The following SMIM35 variants were observed in gnomAD, a reference collection of about 807,000 sequenced individuals.
SMIM35 encodes small integral membrane protein 35.
intron 1 of SMIM35, among the ~76,000 whole-genome samples, chr11:118,046,271 T>C (rs1234214623): frequency 6.6e-6 from 1 of 152,184 alleles, no homozygotes; most frequent in Admixed American, 6.5e-5. Flanking sequence ...CAATTTCCTA[T>C]GACATAAAAC....
chr11:118,021,666 G>T (rs532037578), intron 1 of SMIM35, among the ~76,000 whole-genome samples: 5 of 152,004 alleles, frequency 3.3e-5, no homozygotes, highest in Admixed American at 2.6e-4. Flanking sequence ...AGACAAAAAC[G>T]ATTTTAAAAC....
rs566989063 is a variant in SMIM35 at position 118,060,905 on chromosome 11, A to T, written c.7+25846T>A. On this transcript the variant is annotated intron_variant, in intron 1 of 4. Transcript: ENST00000689828. ...GCCCCCTTTTAATTTTCCTTTTTTG[A>T]TCTATAAGTAAGAGAGGGACAGAGA... Among the ~76,000 whole-genome samples the T allele has an allele frequency of 5.3e-5, 8 of 151,898 alleles. No individual in the cohort carries two copies. In the South Asian group the frequency reaches 1.7e-3, roughly 32 times the overall value.
intron 1 of SMIM35, among the ~76,000 whole-genome samples, chr11:118,039,281 C>T (rs1943962661): frequency 6.6e-6 from 1 of 152,226 alleles, no homozygotes; most frequent in African/African-American, 2.4e-5. Context: ...GTTATCTCAA[C>T]AGGTAGCTTT....
At chr11:118,030,820 G>A (rs975283527) in intron 1 of SMIM35, among the ~76,000 whole-genome samples, 1 of 151,946 alleles carries the variant, frequency 6.6e-6, no homozygotes, top group African/African-American at 2.4e-5. Context: ...AGCCTGAATG[G>A]GATTAGGAGG....
At chr11:118,033,142 A>C (rs2058331720) in intron 1 of SMIM35, among the ~76,000 whole-genome samples, 1 of 152,192 alleles carries the variant, frequency 6.6e-6, no homozygotes, top group Admixed American at 6.5e-5. Context: ...GAAAGTCTTT[A>C]CCTGGTGTTT....
chr11:118,041,739 A>G (rs548394576), intron 1 of SMIM35, among the ~76,000 whole-genome samples: 2 of 152,248 alleles, frequency 1.3e-5, no homozygotes, highest in Admixed American at 6.5e-5. Flanking sequence ...CTTCCAGTTA[A>G]TCTTCTAAGA....
rs532347702 is a variant in SMIM35, at chr11:118,021,979, T to C, written c.8-6170A>G. On this transcript the variant is annotated intron_variant, in intron 1 of 4. Transcript: ENST00000689828. ...GGGGAATACACATTGTTCTCAAGTA[T>C]ATATGGAGCATTCATCAAGACAGAT... Among the ~76,000 whole-genome samples the C allele has an allele frequency of 2.0e-5, 3 of 151,916 alleles. No individual in the cohort carries two copies. The South Asian group carries it at 6.2e-4, about 32-fold the overall frequency.
At chr11:118,019,558 T>C (rs2508449) in intron 1 of SMIM35, among the ~76,000 whole-genome samples, 66,098 of 152,118 alleles carry the variant, frequency 0.43, 16,930 homozygotes, top group African/African-American at 0.72. Flanking sequence ...TTGGCTGTGG[T>C]TTGCCTCTTA....
intron 4 of SMIM35, among the ~76,000 whole-genome samples, chr11:118,009,057 G>A (rs74719603): frequency 0.012 from 1,800 of 152,320 alleles, 29 homozygotes; most frequent in African/African-American, 0.041. Context: ...GGAAATTTGA[G>A]CTGGCATGAA....
At position 118,015,791 on chromosome 11, in the gene SMIM35, G is replaced by T. The variant is rs1038456205; in HGVS notation, c.26C>A (p.Thr9Asn). The T allele has an allele frequency of 2.0e-5, 8 of 399,100 alleles. No individual in the cohort carries two copies. The allele number at this position is 399,100 out of a possible 1,614,324, so 24.7% of individuals were successfully genotyped here. A position where few individuals can be genotyped will look rare whatever the true frequency, so the allele number is the denominator to read the frequency against. Residue 9 changes from threonine to asparagine, a missense_variant, in exon 2 of 5, where the codon ACC becomes AAC. Coordinates refer to ENST00000689828, the MANE Select transcript of SMIM35 (RefSeq NM_001394165.1). MTGEDSIS[T>N]LGLILGVGLL... ...CCCCACGCCAAGGATCAGGCCCAAG[G>T]TGCTGATGGAGTCCTCACCTGCAGA... is the stretch of plus-strand genomic sequence containing the variant.
At chr11:118,044,499 C>G (rs557121332) in intron 1 of SMIM35, among the ~76,000 whole-genome samples, 14 of 152,186 alleles carry the variant, frequency 9.2e-5, no homozygotes, top group Middle Eastern at 3.4e-3. Context: ...CCCTCCAACT[C>G]CCATTTAAAG....
intron 1 of SMIM35, among the ~76,000 whole-genome samples, chr11:118,052,265 C>T (rs1377445884): frequency 3.3e-5 from 5 of 152,160 alleles, no homozygotes; most frequent in Admixed American, 2.6e-4. Context: ...CGCGTCCGGC[C>T]TTCTACGGCT....
At chr11:118,025,682 C>A (rs544565339) in intron 1 of SMIM35, 62 of 448,708 alleles carry the variant, frequency 1.4e-4, no homozygotes, top group African/African-American at 1.2e-3. Context: ...CTTATAGATT[C>A]TAGATATTAG....
intron 1 of SMIM35, among the ~76,000 whole-genome samples, chr11:118,038,441 A>C (rs1943946056): frequency 1.3e-5 from 2 of 152,186 alleles, no homozygotes; most frequent in South Asian, 4.1e-4. Context: ...TTTTATATTT[A>C]AAATGTTACT....
At chr11:118,033,536 T>C (rs1818413097) in intron 1 of SMIM35, among the ~76,000 whole-genome samples, 1 of 152,202 alleles carries the variant, frequency 6.6e-6, no homozygotes, top group Non-Finnish European at 1.5e-5. Flanking sequence ...GTTGTTGTTG[T>C]TGCTTTGGCT....
intron 1 of SMIM35, among the ~76,000 whole-genome samples, chr11:118,021,392 T>C (rs534786109): frequency 6.6e-6 from 1 of 152,294 alleles, no homozygotes; most frequent in South Asian, 2.1e-4. Context: ...CTATTAATCA[T>C]CCTTAGTGTT....
chr11:118,037,897 C>T (rs1440767257), intron 1 of SMIM35, among the ~76,000 whole-genome samples: 12 of 152,172 alleles, frequency 7.9e-5, no homozygotes, highest in South Asian at 2.1e-4. Context: ...TAGGGCACAC[C>T]GAGTGGCTGC....
chr11:118,011,331 GC>G (rs1483060296), intron 4 of SMIM35, among the ~76,000 whole-genome samples: 2 of 152,174 alleles, frequency 1.3e-5, no homozygotes, highest in Non-Finnish European at 2.9e-5. Context: ...ACTTCCGGGG[GC>G]CTAGGGTGGC....
chr11:118,020,797 T>C (rs1565381629), intron 1 of SMIM35, among the ~76,000 whole-genome samples: 2 of 152,346 alleles, frequency 1.3e-5, no homozygotes, highest in African/African-American at 2.4e-5. Context: ...CTTTCTGTTC[T>C]TATATGTCTC....
Sources: allele counts gnomAD v4.1 joint callset (sites outside exome capture counted in the v4.1 genomes callset), GRCh38; gene constraint gnomAD v4.1.1; transcripts MANE v1.5; gene names NCBI Gene and HGNC (gene_info 2026-07-23, HGNC 2026-07-21).